Variants in RCAN2 observed in about 807,000 individuals in gnomAD.
The protein encoded by RCAN2 is calcipressin-2.
RCAN2 carries 9 observed loss-of-function variants against 23.6 expected under a neutral mutation model. The observed-to-expected ratio is 0.38, with a 90% CI of 0.23 to 0.67. RCAN2 has a LOEUF of 0.67. Ranked by LOEUF, RCAN2 falls within the 30% of genes least tolerant of loss-of-function variation. The pLI is 0.51. For missense variants in RCAN2, 273 were observed against 302.3 expected (o/e 0.90, Z 0.72); for synonymous variants, 109 against 115.7 (o/e 0.94, Z 0.37).
intron 1 of RCAN2, among the ~76,000 whole-genome samples, chr6:46,457,287 G>T (rs1768067355): frequency 6.6e-6 from 1 of 152,138 alleles, no homozygotes; most frequent in African/African-American, 2.4e-5. Flanking sequence ...ATCGTGTATT[G>T]AGTTCCAGGC....
At chr6:46,365,478 A>AAAAAGAAAAGAAAAGAAAAG (rs59257652) in intron 2 of RCAN2, among the ~76,000 whole-genome samples, 3 of 145,704 alleles carry the variant, frequency 2.1e-5, no homozygotes, top group African/African-American at 7.6e-5. Flanking sequence ...CTCCATCTCA[A>AAAAAGAAAAGAAAAGAAAAG]AAAAGAAAAG....
chr6:46,323,177 T>C (rs1763672487), intron 2 of RCAN2, among the ~76,000 whole-genome samples: 2 of 152,160 alleles, frequency 1.3e-5, no homozygotes, highest in African/African-American at 4.8e-5. Flanking sequence ...TGGTAAAAGT[T>C]ACCTATCACT....
intron 2 of RCAN2, among the ~76,000 whole-genome samples, chr6:46,420,281 A>G (rs1225517293): frequency 6.6e-6 from 1 of 152,176 alleles, no homozygotes; most frequent in African/African-American, 2.4e-5. Context: ...GATTTTAAGA[A>G]TAATACAGAC....
intron 2 of RCAN2, among the ~76,000 whole-genome samples, chr6:46,281,403 C>T (rs1582060869): frequency 6.6e-6 from 1 of 152,308 alleles, no homozygotes; most frequent in Middle Eastern, 3.4e-3. Context: ...ATGTTTTAAA[C>T]AAGTTTCCCA....
intron 2 of RCAN2, among the ~76,000 whole-genome samples, chr6:46,334,772 G>C (rs1412669363): frequency 6.6e-6 from 1 of 152,174 alleles, no homozygotes; most frequent in Non-Finnish European, 1.5e-5. Flanking sequence ...ATACCTTACA[G>C]CTAATCACTG....
intron 2 of RCAN2, among the ~76,000 whole-genome samples, chr6:46,353,374 G>C (rs1764721389): frequency 6.6e-6 from 1 of 152,142 alleles, no homozygotes; most frequent in African/African-American, 2.4e-5. Context: ...GAATTTGAAA[G>C]AACTTGAGAT....
chr6:46,277,176 T>C (rs1170539958), intron 2 of RCAN2, among the ~76,000 whole-genome samples: 1 of 152,264 alleles, frequency 6.6e-6, no homozygotes, highest in Non-Finnish European at 1.5e-5. Context: ...GTTTCATTTG[T>C]GGAACGTGTT....
intron 2 of RCAN2, among the ~76,000 whole-genome samples, chr6:46,452,366 A>C (rs1767905339): frequency 6.6e-6 from 1 of 152,182 alleles, no homozygotes; most frequent in South Asian, 2.1e-4. Flanking sequence ...GGCCTGAACC[A>C]ACAAAAGTTC....
At chr6:46,250,290 C>T (rs1249868825) in intron 2 of RCAN2, among the ~76,000 whole-genome samples, 2 of 152,142 alleles carry the variant, frequency 1.3e-5, no homozygotes, top group African/African-American at 4.8e-5. Context: ...CTGTCTGGTT[C>T]CTCTTAGCCA....
intron 2 of RCAN2, among the ~76,000 whole-genome samples, chr6:46,414,741 A>G (rs747781775): frequency 6.6e-6 from 1 of 152,204 alleles, no homozygotes; most frequent in Non-Finnish European, 1.5e-5. Flanking sequence ...CTTCCCTTGC[A>G]GATTTCAGGC....
intron 2 of RCAN2, among the ~76,000 whole-genome samples, chr6:46,354,679 A>AT (rs1447812500): frequency 6.6e-6 from 1 of 152,256 alleles, no homozygotes; most frequent in African/African-American, 2.4e-5. Context: ...AGTGAGGCCA[A>AT]TGTAGTCACT....
intron 2 of RCAN2, among the ~76,000 whole-genome samples, chr6:46,432,179 G>A (rs2150417560): frequency 6.6e-6 from 1 of 152,182 alleles, no homozygotes; most frequent in South Asian, 2.1e-4. Context: ...TTTTGTGTAA[G>A]CTTTAGTGTT....
At chr6:46,236,015 G>A (rs1448489089) in intron 4 of RCAN2, among the ~76,000 whole-genome samples, 1 of 152,176 alleles carries the variant, frequency 6.6e-6, no homozygotes, top group Non-Finnish European at 1.5e-5. Context: ...AGACATATGT[G>A]TCAAATACTT....
intron 2 of RCAN2, among the ~76,000 whole-genome samples, chr6:46,292,867 C>A (rs1246636959): frequency 1.3e-5 from 2 of 152,270 alleles, no homozygotes; most frequent in Admixed American, 6.5e-5. Context: ...CGCTATCCCT[C>A]CCCTAGCCCT....
At chr6:46,466,227 C>T (rs1328932993) in intron 1 of RCAN2, among the ~76,000 whole-genome samples, 1 of 152,196 alleles carries the variant, frequency 6.6e-6, no homozygotes, top group Non-Finnish European at 1.5e-5. Context: ...AGCACAAGAA[C>T]GTTGCTATGG....
intron 2 of RCAN2, among the ~76,000 whole-genome samples, chr6:46,455,222 C>T (rs1046399281): frequency 6.6e-6 from 1 of 152,160 alleles, no homozygotes; most frequent in African/African-American, 2.4e-5. Flanking sequence ...CACTTTCTTA[C>T]TTTAAATAGT....
intron 2 of RCAN2, among the ~76,000 whole-genome samples, chr6:46,312,067 A>C (rs1224663464): frequency 1.3e-5 from 2 of 152,158 alleles, no homozygotes; most frequent in Non-Finnish European, 2.9e-5. Context: ...CTCTTCTTCC[A>C]TCCTGCTGCC....
intron 1 of RCAN2, among the ~76,000 whole-genome samples, chr6:46,462,300 C>T (rs1019532582): frequency 3.9e-4 from 59 of 152,132 alleles, no homozygotes; most frequent in Admixed American, 7.9e-4. Flanking sequence ...GAAAACATCA[C>T]CAACAACAAG....
At chr6:46,376,719 A>G (rs9395181) in intron 2 of RCAN2, among the ~76,000 whole-genome samples, 1 of 150,978 alleles carries the variant, frequency 6.6e-6, no homozygotes, top group African/African-American at 2.5e-5. Context: ...AACAAACAAA[A>G]AAAAAAAACA....
Sources: allele counts gnomAD v4.1 joint callset (sites outside exome capture counted in the v4.1 genomes callset), GRCh38; gene constraint gnomAD v4.1.1; transcripts MANE v1.5; gene names NCBI Gene and HGNC (gene_info 2026-07-23, HGNC 2026-07-21).